Variants in MAP3K7CL observed in about 807,000 individuals in gnomAD.
MAP3K7CL encodes MAP3K7 C-terminal like.
MAP3K7CL carries 16 observed loss-of-function variants against 18.6 expected under a neutral mutation model. The observed-to-expected ratio is 0.86, with a 90% confidence interval of 0.58 to 1.31. MAP3K7CL has a LOEUF of 1.31. MAP3K7CL is among the 50% of genes most tolerant of loss of function. The pLI, the probability that MAP3K7CL is intolerant of heterozygous loss-of-function variation, is 0.00. For synonymous variants in MAP3K7CL, 65 were observed against 66.8 expected (o/e 0.97, Z 0.13); for missense variants, 163 against 174.4 (o/e 0.93, Z 0.37).
At chr21:29,108,675 T>G (rs1402544276) in intron 4 of MAP3K7CL, among the ~76,000 whole-genome samples, 5 of 152,186 alleles carry the variant, frequency 3.3e-5, no homozygotes, top group Non-Finnish European at 7.3e-5. Context: ...AGTATCCTCA[T>G]TTGTCAAATT....
intron 4 of MAP3K7CL, among the ~76,000 whole-genome samples, chr21:29,166,179 CT>C (rs2087683085): frequency 6.6e-6 from 1 of 152,132 alleles, no homozygotes; most frequent in South Asian, 2.1e-4. Context: ...CCTCCCCAAC[CT>C]CTGGTAATCA....
intron 1 of MAP3K7CL, among the ~76,000 whole-genome samples, chr21:29,079,993 A>G (rs1390607858): frequency 2.0e-5 from 3 of 152,206 alleles, no homozygotes; most frequent in Non-Finnish European, 4.4e-5. Flanking sequence ...GGTTAGATTA[A>G]TGGGAACGAG....
chr21:29,084,920 CAAG>C (rs891123764), upstream of MAP3K7CL, among the ~76,000 whole-genome samples: 1 of 152,022 alleles, frequency 6.6e-6, no homozygotes, highest in African/African-American at 2.4e-5. Flanking sequence ...AAGTGAGAAA[CAAG>C]AAGTAGAAGA....
chr21:29,108,890 G>C (rs2086370443), intron 4 of MAP3K7CL: 1 of 656,224 alleles, frequency 1.5e-6, no homozygotes, highest in Admixed American at 3.1e-5. Flanking sequence ...ATTTTGCAGT[G>C]TTCAGTCAGC....
At chr21:29,116,899 T>C (rs894492252) in intron 4 of MAP3K7CL, among the ~76,000 whole-genome samples, 1 of 152,134 alleles carries the variant, frequency 6.6e-6, no homozygotes, top group Non-Finnish European at 1.5e-5. Context: ...ATAAATAACT[T>C]CCATTGCCAT....
intron 4 of MAP3K7CL, among the ~76,000 whole-genome samples, chr21:29,115,059 G>A (rs1239002902): frequency 1.3e-5 from 2 of 152,186 alleles, no homozygotes; most frequent in Admixed American, 6.5e-5. Flanking sequence ...ACAGCAGGGG[G>A]TTTGGGCTGT....
intron 4 of MAP3K7CL, among the ~76,000 whole-genome samples, chr21:29,093,251 T>C (rs763804033): frequency 6.6e-6 from 1 of 152,184 alleles, no homozygotes; most frequent in Non-Finnish European, 1.5e-5. Flanking sequence ...TATAATAACT[T>C]GTGTAAATAT....
intron 4 of MAP3K7CL, among the ~76,000 whole-genome samples, chr21:29,112,867 G>A: frequency 6.6e-6 from 1 of 151,194 alleles, no homozygotes; most frequent in East Asian, 1.9e-4. Context: ...CTGTTTCCCA[G>A]GCTAGAGTGC....
chr21:29,090,490 C>T (rs1332262637), intron 1 of MAP3K7CL, among the ~76,000 whole-genome samples: 2 of 152,022 alleles, frequency 1.3e-5, no homozygotes, highest in Non-Finnish European at 2.9e-5. Context: ...ACGCCATTCT[C>T]CTGCCTCAGC....
chr21:29,163,600 G>C (rs2087607194), intron 4 of MAP3K7CL, among the ~76,000 whole-genome samples: 1 of 151,878 alleles, frequency 6.6e-6, no homozygotes, highest in African/African-American at 2.4e-5. Context: ...CAGCTACATT[G>C]GCCTCCTCAC....
intron 4 of MAP3K7CL, among the ~76,000 whole-genome samples, chr21:29,101,030 T>TA (rs1397515140): frequency 2.6e-5 from 4 of 151,262 alleles, no homozygotes; most frequent in Non-Finnish European, 5.9e-5. Flanking sequence ...TTTTTTTTTT[T>TA]AATTAGTCTG....
At chr21:29,081,336 T>A (rs1033578337), upstream of MAP3K7CL, among the ~76,000 whole-genome samples, 2 of 152,200 alleles carry the variant, frequency 1.3e-5, no homozygotes, top group Admixed American at 1.3e-4. Flanking sequence ...GATCACAAGG[T>A]CAGGAGATCA....
intron 4 of MAP3K7CL, among the ~76,000 whole-genome samples, chr21:29,097,727 T>G (rs1039171326): frequency 6.6e-6 from 1 of 152,140 alleles, no homozygotes; most frequent in African/African-American, 2.4e-5. Context: ...AAGATATAAT[T>G]TATATGATGT....
At chr21:29,158,272 T>G (rs892441428) in intron 3 of MAP3K7CL, among the ~76,000 whole-genome samples, 23 of 152,306 alleles carry the variant, frequency 1.5e-4, no homozygotes, top group African/African-American at 5.3e-4. Context: ...TGAATTCCTT[T>G]GGCAATAGCT....
At chr21:29,137,501 G>A (rs1047840356) in intron 2 of MAP3K7CL, among the ~76,000 whole-genome samples, 1 of 152,104 alleles carries the variant, frequency 6.6e-6, no homozygotes, top group African/African-American at 2.4e-5. Context: ...GTATAGAGGA[G>A]CAGTACAGGA....
chr21:29,079,131 C>T (rs951631662), intron 1 of MAP3K7CL, among the ~76,000 whole-genome samples: 1 of 152,150 alleles, frequency 6.6e-6, no homozygotes, highest in African/African-American at 2.4e-5. Context: ...GGAAGACCCA[C>T]GTCTCATCAG....
At chr21:29,143,171 T>C (rs899383909) in intron 2 of MAP3K7CL, among the ~76,000 whole-genome samples, 4 of 147,880 alleles carry the variant, frequency 2.7e-5, no homozygotes, top group Non-Finnish European at 4.5e-5. Context: ...ATTCAAAAAT[T>C]TTTAAGAAAT....
At chr21:29,119,295 TTTTG>T (rs771286472) in intron 4 of MAP3K7CL, among the ~76,000 whole-genome samples, 3 of 152,214 alleles carry the variant, frequency 2.0e-5, no homozygotes, top group Non-Finnish European at 4.4e-5. Flanking sequence ...CAGGCTAAAT[TTTTG>T]TTTGTTTGTT....
intron 4 of MAP3K7CL, among the ~76,000 whole-genome samples, chr21:29,163,406 A>T (rs969182973): frequency 1.3e-5 from 2 of 151,916 alleles, no homozygotes; most frequent in Admixed American, 1.3e-4. Flanking sequence ...CTTCATTCTC[A>T]CTTCTACCAT....
Sources: allele counts gnomAD v4.1 joint callset (sites outside exome capture counted in the v4.1 genomes callset), GRCh38; gene constraint gnomAD v4.1.1; transcripts MANE v1.5; gene names NCBI Gene and HGNC (gene_info 2026-07-23, HGNC 2026-07-21).